AGBL2: variants seen among roughly 807,000 people sequenced by gnomAD.
AGBL2 encodes AGBL carboxypeptidase 2.
A neutral mutation model predicts 103.0 loss-of-function variants in AGBL2; 87 were observed. The ratio of observed to expected loss-of-function variants is 0.84; its 90% CI spans 0.71 to 1.01. The LOEUF (loss-of-function observed/expected upper bound fraction) is 1.01. AGBL2 is among the 50% of genes least tolerant of loss of function. The pLI, the probability that AGBL2 is intolerant of heterozygous loss-of-function variation, is 0.00. For synonymous variants in AGBL2, 335 were observed against 356.7 expected (o/e 0.94, Z 0.69); for missense variants, 904 against 1,023.5 (o/e 0.88, Z 1.59).
intron 14 of AGBL2, among the ~76,000 whole-genome samples, chr11:47,676,855 CATG>C (rs2097377407): frequency 1.3e-5 from 2 of 150,960 alleles, no homozygotes; most frequent in Non-Finnish European, 1.5e-5. Flanking sequence ...CCTGTCAAAC[CATG>C]ATATTTCTCT....
At chr11:47,662,722 G>A (rs1013280355) in intron 18 of AGBL2, among the ~76,000 whole-genome samples, 5 of 152,082 alleles carry the variant, frequency 3.3e-5, no homozygotes, top group Non-Finnish European at 7.4e-5. Context: ...TTGAACTCCT[G>A]ACCTCAAATC....
chr11:47,686,705 A>G (rs1256606895), intron 10 of AGBL2, among the ~76,000 whole-genome samples: 6 of 151,500 alleles, frequency 4.0e-5, no homozygotes, highest in African/African-American at 1.5e-4. Flanking sequence ...TCATGCCTAT[A>G]ATCCCAGCAC....
intron 17 of AGBL2, among the ~76,000 whole-genome samples, chr11:47,665,437 C>G (rs1291335886): frequency 6.6e-6 from 1 of 151,998 alleles, no homozygotes; most frequent in Non-Finnish European, 1.5e-5. Context: ...CTCAAGCAGT[C>G]CTCCTCTCTC....
Position 47,690,457 on chromosome 11 carries a change from G to A in AGBL2, c.1250C>T (p.Ser417Phe), listed in dbSNP as rs189911575. ...LLSVANNPIQ[S>F]QFCKLQTLCR... ...TAAAGTTTGGAGCTTGCAGAACTGA[G>A]ACTGGATAGGGTTGTTTGCCACTGA... Residue 417 changes from serine to phenylalanine, a missense_variant, in exon 10 of 19, where the codon TCT (serine) becomes TTT (phenylalanine). Coordinates refer to ENST00000525123, the MANE Select transcript of AGBL2 (RefSeq NM_024783.4). 9 of 1,614,160 alleles carry A rather than the reference G, an allele frequency of 5.6e-6. No individual in the cohort carries two copies. The East Asian group carries it at 1.6e-4, about 28-fold the overall frequency.
At chr11:47,677,208 A>G (rs2097378844) in intron 14 of AGBL2, 63 bp downstream of exon 14, 4 of 1,343,346 alleles carry the variant, frequency 3.0e-6, no homozygotes, top group South Asian at 1.7e-5. Flanking sequence ...ACATCTCACT[A>G]TATCACCCAG....
intron 3 of AGBL2, among the ~76,000 whole-genome samples, chr11:47,712,505 G>C (rs1467322833): frequency 1.3e-5 from 2 of 152,132 alleles, no homozygotes; most frequent in African/African-American, 2.4e-5. Context: ...TAAGTAAATG[G>C]AGATAAATAT....
intron 10 of AGBL2, among the ~76,000 whole-genome samples, chr11:47,688,505 A>T (rs1217830497): frequency 1.3e-5 from 2 of 152,152 alleles, no homozygotes; most frequent in Non-Finnish European, 2.9e-5. Flanking sequence ...CAGGACACCT[A>T]TTCCAGCTTT....
chr11:47,710,543 G>C, intron 3 of AGBL2, 32 bp from the exon 4 acceptor site: 1 of 1,612,000 alleles, frequency 6.2e-7, no homozygotes, highest in Non-Finnish European at 8.5e-7. Context: ...AAAGTTGCTG[G>C]AAGGCCGACT....
chr11:47,680,473 A>C (rs2097397130), intron 12 of AGBL2, among the ~76,000 whole-genome samples: 2 of 143,480 alleles, frequency 1.4e-5, no homozygotes, highest in African/African-American at 2.6e-5. Flanking sequence ...AAATAAAAAT[A>C]AAAAATAAAA....
intron 8 of AGBL2, among the ~76,000 whole-genome samples, chr11:47,696,097 C>T (rs1432981568): frequency 7.4e-6 from 1 of 134,236 alleles, no homozygotes; most frequent in African/African-American, 2.8e-5. Flanking sequence ...ACCCTGGAGG[C>T]TGAGGAACAA....
At chr11:47,710,611 C>T (rs978042762) in intron 3 of AGBL2, 100 bp from the exon 4 acceptor site, 2 of 1,379,166 alleles carry the variant, frequency 1.5e-6, no homozygotes, top group African/African-American at 2.9e-5. Flanking sequence ...CACCACCCAC[C>T]ACCACAGCCC....
At chr11:47,696,243 T>C (rs975123973) in intron 8 of AGBL2, among the ~76,000 whole-genome samples, 6 of 148,206 alleles carry the variant, frequency 4.0e-5, no homozygotes, top group Admixed American at 1.4e-4. Context: ...CATTTGAGCC[T>C]GGGTTTTGTT....
At chr11:47,663,705 C>T (rs551102768) in intron 17 of AGBL2, among the ~76,000 whole-genome samples, 9 of 148,026 alleles carry the variant, frequency 6.1e-5, no homozygotes, top group African/African-American at 1.8e-4. Flanking sequence ...TACAGGCATG[C>T]GCCACCATGC....
At chr11:47,709,885 G>C (rs925228113) in intron 4 of AGBL2, among the ~76,000 whole-genome samples, 2 of 151,866 alleles carry the variant, frequency 1.3e-5, no homozygotes, top group South Asian at 4.1e-4. Context: ...CACGATGCCA[G>C]GTGTATTACT....
Position 47,705,928 on chromosome 11 carries a change from G to T in AGBL2, c.233-11C>A, listed in dbSNP as rs770238707. ...ATAAACTGATAGGCCCTAGAAAGAG[G>T]AAGAGGAGGCACCCTTGGTGTCAGG... On this transcript the variant is annotated splice_polypyrimidine_tract_variant and intron_variant, in intron 4 of 18. Transcript: ENST00000525123. 6.2e-7 allele frequency: 1 copy of T among 1,613,698 alleles called. No homozygotes were observed. The highest frequency in any genetic ancestry group is 8.5e-7 in the Non-Finnish European group (1 of 1,179,622).
chr11:47,687,300 C>A (rs2153804040), intron 10 of AGBL2, among the ~76,000 whole-genome samples: 1 of 151,882 alleles, frequency 6.6e-6, no homozygotes, highest in East Asian at 1.9e-4. Flanking sequence ...TGGGCTTTGA[C>A]TGAACAGATA....
Position 47,714,602 on chromosome 11 carries a change from C to G in AGBL2, c.33+16G>C, listed in dbSNP as rs1442498200. The G allele has an allele frequency of 6.2e-7, 1 of 1,613,252 alleles. No homozygotes were observed. Among genetic ancestry groups the G allele is most frequent in the Non-Finnish European group, 8.5e-7 (1 of 1,179,700 alleles). ...CCCCGAAGAAATTTCTGTGGCTTTC[C>G]GTGTTGTGTACCGACCTGCTTTAGG... On this transcript the variant is annotated intron_variant, in intron 2 of 18. Coordinates refer to ENST00000525123, the MANE Select transcript of AGBL2 (RefSeq NM_024783.4).
intron 12 of AGBL2, among the ~76,000 whole-genome samples, chr11:47,680,640 G>A (rs1290984610): frequency 6.6e-5 from 10 of 151,880 alleles, no homozygotes; most frequent in African/African-American, 2.2e-4. Flanking sequence ...TTAGCCTGAC[G>A]TTGTGGCATG....
intron 10 of AGBL2, 26 bp from the exon 11 acceptor site, chr11:47,686,075 C>A: frequency 6.2e-7 from 1 of 1,609,130 alleles, no homozygotes; most frequent in Non-Finnish European, 8.5e-7. Flanking sequence ...ACAAAGGACT[C>A]AGTGGACACC....
Sources: allele counts gnomAD v4.1 joint callset (sites outside exome capture counted in the v4.1 genomes callset), GRCh38; gene constraint gnomAD v4.1.1; transcripts MANE v1.5; gene names NCBI Gene and HGNC (gene_info 2026-07-23, HGNC 2026-07-21).